SYNE2: variants seen among roughly 807,000 people sequenced by gnomAD.
The protein encoded by SYNE2 is nesprin-2.
In SYNE2, 431 loss-of-function variants were observed where a neutral mutation model predicts 856.3. The observed-to-expected ratio is 0.50, with a 90% confidence interval of 0.47 to 0.55. The LOEUF is 0.55. Ranked by LOEUF, SYNE2 falls within the 20% of genes least tolerant of loss-of-function variation. SYNE2 has a pLI of 0.00. For missense variants in SYNE2, 8,129 were observed against 8,023.2 expected, an observed-to-expected ratio of 1.01 and a Z score of -0.50; for synonymous variants, 2,923 against 2,872.3, an observed-to-expected ratio of 1.02 and a Z score of -0.56.
intron 48 of SYNE2, 119 bp from the exon 49 acceptor site, chr14:64,055,825 A>ATAG: frequency 1.8e-6 from 1 of 551,802 alleles, no homozygotes; most frequent in South Asian, 2.2e-5. Flanking sequence ...AACTTAAAGT[A>ATAG]TAATAATAAT....
intron 99 of SYNE2, among the ~76,000 whole-genome samples, chr14:64,194,021 TC>T (rs757930072): frequency 7.0e-4 from 107 of 152,172 alleles, no homozygotes; most frequent in Non-Finnish European, 1.2e-3. Flanking sequence ...TGATTGGCTG[TC>T]CCTCCTTGTT....
Position 64,167,328 on chromosome 14 carries a change from G to T in SYNE2, c.16701G>T (p.Thr5567=), listed in dbSNP as rs200950664. The T allele has an allele frequency of 1.3e-5, 21 of 1,614,218 alleles. No homozygotes were observed. Among genetic ancestry groups the T allele is most frequent in the Middle Eastern group, 1.6e-4 (1 of 6,062 alleles). Residue 5567 remains threonine, a synonymous_variant, in exon 91 of 116, where the codon ACG becomes ACT. Coordinates refer to ENST00000555002, the MANE Select transcript of SYNE2 (RefSeq NM_182914.3). The part of the protein sequence containing the change: ...KLPLSDVAVK[T]LQNMNRQWIR... ...CACTTAGTGACGTAGCTGTGAAGAC[G>T]TTACAAAATATGAACCGGCAATGGA...
At chr14:64,177,283 A>G in intron 95 of SYNE2, 75 bp from the exon 96 acceptor site, 3 of 1,554,046 alleles carry the variant, frequency 1.9e-6, no homozygotes, top group South Asian at 2.2e-5. Context: ...TATGTGGATT[A>G]AATGAGCTAT....
intron 31 of SYNE2, 93 bp from the exon 32 acceptor site, chr14:64,009,873 C>A: frequency 8.7e-7 from 1 of 1,148,882 alleles, no homozygotes; most frequent in Non-Finnish European, 1.3e-6. Context: ...GTCCTTTACA[C>A]CTTATTCATC....
intron 6 of SYNE2, among the ~76,000 whole-genome samples, chr14:63,942,350 G>A (rs980008026): frequency 3.3e-5 from 5 of 152,044 alleles, no homozygotes; most frequent in East Asian, 1.9e-4. Context: ...ATGGAGTCTC[G>A]CTCTGTCGGC....
At chr14:63,982,893 G>T in intron 17 of SYNE2, 99 bp downstream of exon 17, 2 of 1,214,528 alleles carry the variant, frequency 1.6e-6, no homozygotes, top group Non-Finnish European at 2.4e-6. Flanking sequence ...TCTGGTATAT[G>T]CACAGTTACG....
chr14:64,130,917 G>A (rs1283055103), intron 76 of SYNE2, among the ~76,000 whole-genome samples: 2 of 150,914 alleles, frequency 1.3e-5, no homozygotes, highest in African/African-American at 2.4e-5. Context: ...AGGCTTTCCT[G>A]AGAACTAGAA....
At chr14:64,177,265 A>G (rs2098439394) in intron 95 of SYNE2, 93 bp from the exon 96 acceptor site, 5 of 1,511,348 alleles carry the variant, frequency 3.3e-6, no homozygotes, top group African/African-American at 1.4e-5. Flanking sequence ...CAAACTTAAT[A>G]GAAAGATTAT....
intron 3 of SYNE2, among the ~76,000 whole-genome samples, chr14:63,941,415 A>G (rs764327825): frequency 1.1e-4 from 17 of 152,212 alleles, no homozygotes; most frequent in Non-Finnish European, 2.4e-4. Context: ...ACTGATTCTA[A>G]AAGTCTTTAA....
At chr14:63,807,055 G>A (rs1020812392) in intron 1 of SYNE2, among the ~76,000 whole-genome samples, 1 of 152,002 alleles carries the variant, frequency 6.6e-6, no homozygotes, top group East Asian at 1.9e-4. Context: ...CAGGCACAGT[G>A]GCTCATGCCT....
chr14:63,862,835 G>A (rs1894115402), intron 1 of SYNE2, among the ~76,000 whole-genome samples: 1 of 151,296 alleles, frequency 6.6e-6, no homozygotes, highest in African/African-American at 2.4e-5. Context: ...GTCTCACTCT[G>A]TTGCCAGGCT....
intron 1 of SYNE2, among the ~76,000 whole-genome samples, chr14:63,892,136 A>G (rs1421239368): frequency 2.6e-5 from 4 of 152,256 alleles, no homozygotes; most frequent in South Asian, 2.1e-4. Context: ...TAAAATAACA[A>G]TCCTTCATCA....
At chr14:64,135,099 C>G (rs2098074685) in intron 78 of SYNE2, among the ~76,000 whole-genome samples, 1 of 152,162 alleles carries the variant, frequency 6.6e-6, no homozygotes, top group African/African-American at 2.4e-5. Flanking sequence ...GATAAAACCT[C>G]AAAATAGTTT....
intron 83 of SYNE2, among the ~76,000 whole-genome samples, chr14:64,145,282 A>C (rs995403782): frequency 2.0e-5 from 3 of 151,876 alleles, no homozygotes; most frequent in African/African-American, 7.2e-5. Context: ...TTATGCCTGT[A>C]ATCCCAGCAC....
rs533168416 is a variant in SYNE2 at position 64,061,666 on chromosome 14, TA to T, written c.10068-1081del. Among the ~76,000 whole-genome samples, 54 of 152,370 alleles carry T rather than the reference TA, an allele frequency of 3.5e-4. No individual in the cohort carries two copies. In the South Asian group the frequency reaches 7.9e-3, roughly 22 times the overall value. On this transcript the variant is annotated intron_variant, in intron 49 of 115. Coordinates refer to ENST00000555002, the MANE Select transcript of SYNE2 (RefSeq NM_182914.3). ...TTGGTCATTCATGTTTTCTCTTCTGTAAAATGCTTATTTAAGCCTTAACCCA... is the reference window on the plus strand; with the variant it reads ...TTGGTCATTCATGTTTTCTCTTCTGTAAATGCTTATTTAAGCCTTAACCCA...
chr14:63,959,324 CTCT>C (rs2096280556), intron 8 of SYNE2, among the ~76,000 whole-genome samples: 1 of 85,478 alleles, frequency 1.2e-5, no homozygotes, highest in South Asian at 4.0e-4. Flanking sequence ...GAGATGGAGT[CTCT>C]TGTTCTGTCT....
At chr14:64,218,597 C>G (rs544782968) in intron 109 of SYNE2, 85 bp downstream of exon 109, 1 of 1,317,006 alleles carries the variant, frequency 7.6e-7, no homozygotes, top group South Asian at 1.2e-5. Flanking sequence ...TAGATATTAA[C>G]CAACTATACG....
intron 66 of SYNE2, among the ~76,000 whole-genome samples, chr14:64,116,684 G>A (rs960441701): frequency 7.2e-5 from 11 of 152,174 alleles, no homozygotes; most frequent in African/African-American, 2.4e-4. Context: ...CCAAAGTGCC[G>A]AGATTACAGG....
intron 1 of SYNE2, among the ~76,000 whole-genome samples, chr14:63,796,093 C>G (rs1887905414): frequency 6.6e-6 from 1 of 152,192 alleles, no homozygotes; most frequent in South Asian, 2.1e-4. Context: ...TAATAAGTAG[C>G]AAGCCAGGAT....
Sources: gnomAD v4.1 joint callset for allele counts (sites outside exome capture counted in the v4.1 genomes callset) on GRCh38, gnomAD v4.1.1 for gene constraint, MANE v1.5 for transcripts, NCBI Gene and HGNC (gene_info 2026-07-23, HGNC 2026-07-21) for gene names.